The following RIC1 variants were observed in gnomAD, a reference collection of about 807,000 sequenced individuals.
The protein encoded by RIC1 is RIC1 partner of RAB6A GEF complex.
In RIC1, 88 loss-of-function variants were observed where a neutral mutation model predicts 169.0. The observed-to-expected ratio is 0.52, with a 90% CI of 0.44 to 0.62. The LOEUF is 0.62. Ranked by LOEUF, RIC1 falls within the 20% of genes least tolerant of loss-of-function variation. The pLI, the probability that RIC1 is intolerant of heterozygous loss-of-function variation, is 0.00. For synonymous variants in RIC1, 790 were observed against 601.5 expected, an observed-to-expected ratio of 1.31 and a Z score of -4.59; for missense variants, 1,877 against 1,725.5, an observed-to-expected ratio of 1.09 and a Z score of -1.56.
At position 5,754,822 on chromosome 9, in the gene RIC1, A is replaced by T. The variant is rs769781651; in HGVS notation, c.1603-19A>T. ...TCTGGTAGCATAAGGTAAATTTTTT[A>T]AAAAATTTTTATTTTAAGGAGCAAA... is the stretch of plus-strand genomic sequence containing the variant. On this transcript the variant is annotated intron_variant, in intron 14 of 25. Coordinates refer to ENST00000414202, the MANE Select transcript of RIC1 (RefSeq NM_020829.4). 1.7e-4 allele frequency: 251 copies of T among 1,497,348 alleles called. No homozygotes were observed. Among genetic ancestry groups the T allele is most frequent in the Middle Eastern group, 2.1e-4 (1 of 4,854 alleles). The allele number at this position is 1,497,348 out of a possible 1,614,324, so 92.8% of individuals were successfully genotyped here.
chr9:5,687,588 A>G (rs1237222263), intron 2 of RIC1, among the ~76,000 whole-genome samples: 1 of 152,144 alleles, frequency 6.6e-6, no homozygotes, highest in East Asian at 1.9e-4. Flanking sequence ...GTTATTTAGA[A>G]GTATGCAGTT....
downstream of RIC1, among the ~76,000 whole-genome samples, chr9:5,777,259 T>C (rs1428395232): frequency 6.6e-6 from 1 of 152,100 alleles, no homozygotes; most frequent in Non-Finnish European, 1.5e-5. Context: ...ATTGCAACTA[T>C]TTCTTCATTC....
chr9:5,759,792 G>C (rs1199657582), intron 17 of RIC1, among the ~76,000 whole-genome samples: 2 of 152,146 alleles, frequency 1.3e-5, no homozygotes, highest in Non-Finnish European at 2.9e-5. Flanking sequence ...AAAAATAAGG[G>C]ATGGATGGAG....
intron 3 of RIC1, among the ~76,000 whole-genome samples, chr9:5,690,641 A>G (rs1197622330): frequency 6.6e-6 from 1 of 151,692 alleles, no homozygotes; most frequent in Admixed American, 6.6e-5. Context: ...ATGGTGGAAG[A>G]TATCCAAAGT....
intron 1 of RIC1, among the ~76,000 whole-genome samples, chr9:5,644,120 A>G (rs1335544291): frequency 1.3e-5 from 2 of 152,194 alleles, no homozygotes; most frequent in Non-Finnish European, 2.9e-5. Context: ...CTAAGTGTAC[A>G]TTGATTTTTA....
chr9:5,713,674 C>G (rs1313093547), intron 3 of RIC1: 3 of 290,348 alleles, frequency 1.0e-5, no homozygotes, highest in Admixed American at 5.1e-5. Context: ...CTTCTTCCCA[C>G]CCTCCTAACA....
chr9:5,650,380 T>G (rs1436821038), intron 1 of RIC1, among the ~76,000 whole-genome samples: 2 of 151,932 alleles, frequency 1.3e-5, no homozygotes, highest in African/African-American at 4.8e-5. Flanking sequence ...CTTGGGCCCT[T>G]GGGGGTATGT....
chr9:5,704,363 A>C (rs1337313300), intron 3 of RIC1, among the ~76,000 whole-genome samples: 1 of 151,926 alleles, frequency 6.6e-6, no homozygotes, highest in Non-Finnish European at 1.5e-5. Context: ...GGCATGCACC[A>C]CCACACCTGG....
chr9:5,736,920 G>A (rs531332988), intron 7 of RIC1, among the ~76,000 whole-genome samples: 12 of 152,000 alleles, frequency 7.9e-5, no homozygotes, highest in Admixed American at 2.6e-4. Context: ...TTGAGAAGAG[G>A]TAGGACCTGG....
At chr9:5,712,592 A>G (rs187521782) in intron 3 of RIC1, among the ~76,000 whole-genome samples, 1 of 152,328 alleles carries the variant, frequency 6.6e-6, no homozygotes, top group African/African-American at 2.4e-5. Flanking sequence ...AAAGGAGTCT[A>G]CCTCTGTGTT....
chr9:5,777,127 CGTA>C (rs1827632321), downstream of RIC1, among the ~76,000 whole-genome samples: 1 of 152,042 alleles, frequency 6.6e-6, no homozygotes, highest in South Asian at 2.1e-4. Flanking sequence ...TAAATCTTCT[CGTA>C]GGATTATTAG....
intron 14 of RIC1, among the ~76,000 whole-genome samples, chr9:5,754,362 A>G (rs1424514898): frequency 1.3e-5 from 2 of 152,216 alleles, no homozygotes; most frequent in Non-Finnish European, 2.9e-5. Context: ...ATTTTTATAA[A>G]TAGGATATGG....
chr9:5,761,366 C>T (rs922051346), intron 17 of RIC1, among the ~76,000 whole-genome samples: 2 of 151,934 alleles, frequency 1.3e-5, no homozygotes, highest in African/African-American at 2.4e-5. Flanking sequence ...CCCACCTCAG[C>T]CTCCCACCAA....
rs534769622 is a variant in RIC1 at position 5,760,206 on chromosome 9, C to G, written c.1993-2335C>G. On this transcript the variant is annotated intron_variant, in intron 17 of 25. Transcript: ENST00000414202. ...TGTTACTGAAACTCTCATAGAGAAT[C>G]ATCTGCCAGGGGTTTTTTTAGGGTA... Among the ~76,000 whole-genome samples, 3 of 152,318 alleles carry G rather than the reference C, an allele frequency of 2.0e-5. 1 individual carries two copies. In the South Asian group the frequency reaches 6.2e-4, roughly 32 times the overall value.
intron 10 of RIC1, among the ~76,000 whole-genome samples, chr9:5,745,227 T>G (rs1476464003): frequency 2.0e-5 from 3 of 152,178 alleles, no homozygotes; most frequent in African/African-American, 7.2e-5. Context: ...ATAAAAGTTC[T>G]ATTAAACTTT....
intron 1 of RIC1, among the ~76,000 whole-genome samples, chr9:5,643,861 T>G (rs919232610): frequency 6.6e-6 from 1 of 152,238 alleles, no homozygotes; most frequent in African/African-American, 2.4e-5. Context: ...AGACAGTTTC[T>G]TCGTTCAGAT....
intron 8 of RIC1, among the ~76,000 whole-genome samples, chr9:5,739,586 G>A (rs1313081356): frequency 6.6e-6 from 1 of 152,156 alleles, no homozygotes; most frequent in Non-Finnish European, 1.5e-5. Flanking sequence ...AGAGGTGTTG[G>A]GAGTGGCTCC....
At chr9:5,778,110 G>GT (rs1223733485), downstream of RIC1, among the ~76,000 whole-genome samples, 2 of 152,086 alleles carry the variant, frequency 1.3e-5, no homozygotes, top group Non-Finnish European at 2.9e-5. Context: ...CATTTATTGG[G>GT]TTTTTAATGT....
intron 1 of RIC1, among the ~76,000 whole-genome samples, chr9:5,651,256 C>T (rs1281025448): frequency 2.0e-5 from 3 of 152,190 alleles, no homozygotes; most frequent in East Asian, 3.9e-4. Context: ...AACCTTGCTT[C>T]CCTCTTCTTC....
Sources: allele counts gnomAD v4.1 joint callset (sites outside exome capture counted in the v4.1 genomes callset), GRCh38; gene constraint gnomAD v4.1.1; transcripts MANE v1.5; gene names NCBI Gene and HGNC (gene_info 2026-07-23, HGNC 2026-07-21).